The following RBM27 variants were observed in gnomAD, a reference collection of about 807,000 sequenced individuals.
RBM27 encodes the protein RNA binding motif protein 27, also known as RNA-binding protein 27.
In RBM27, 22 loss-of-function variants were observed where a neutral mutation model predicts 135.3. That is an observed-to-expected ratio of 0.16 (90% CI 0.12 to 0.23). The LOEUF (loss-of-function observed/expected upper bound fraction) is 0.23. RBM27 is among the 10% of genes least tolerant of loss of function. RBM27 has a pLI of 1.00. For missense variants in RBM27, 1,009 were observed against 1,281.0 expected (o/e 0.79, Z 3.24); for synonymous variants, 481 against 442.4 (o/e 1.09, Z -1.10).
chr5:146,205,924 CA>C, intron 1 of RBM27, among the ~76,000 whole-genome samples: 1 of 152,038 alleles, frequency 6.6e-6, no homozygotes, highest in Admixed American at 6.6e-5. Context: ...GAGGCTGAGG[CA>C]GAAGAATCGC....
intron 19 of RBM27, among the ~76,000 whole-genome samples, chr5:146,281,142 C>T (rs59021359): frequency 0.033 from 5,052 of 152,142 alleles, 248 homozygotes; most frequent in African/African-American, 0.11. Flanking sequence ...TGCGCCCAGC[C>T]TTTGCAGTCT....
At position 146,271,661 on chromosome 5, in the gene RBM27, T is replaced by G; in HGVS notation, c.2975T>G (p.Leu992Arg). 1 of 1,612,280 alleles carries G rather than the reference T, an allele frequency of 6.2e-7. No homozygotes were observed. Among genetic ancestry groups the G allele is most frequent in the South Asian group, 1.1e-5 (1 of 90,970 alleles). The change falls in exon 19 of 21, where the codon CTT becomes CGT. Residue 992 changes from leucine to arginine, a missense_variant. Leu to Arg is a moderately radical substitution (Grantham distance 102). Coordinates refer to ENST00000265271, the MANE Select transcript of RBM27 (RefSeq NM_018989.2). Reference sequence around the variant, plus strand: ...ATTGAGGAAGAAAAAGAAGACTTGCTTCAGCATTTCTCAGTAAGTTTTTAA... The same window carrying G: ...ATTGAGGAAGAAAAAGAAGACTTGCGTCAGCATTTCTCAGTAAGTTTTTAA... ...GFIEEEKEDL[L>R]QHFSTANQGP... is the part of the protein sequence containing the mutation.
At chr5:146,276,427 T>A in intron 19 of RBM27, among the ~76,000 whole-genome samples, 1 of 152,162 alleles carries the variant, frequency 6.6e-6, no homozygotes, top group Non-Finnish European at 1.5e-5. Flanking sequence ...ATAATTTTTA[T>A]GTTCTTACTG....
Position 146,251,592 on chromosome 5 carries a change from T to G in RBM27, c.1280-119T>G, listed in dbSNP as rs75623351. 896 of 939,276 alleles carry G rather than the reference T, an allele frequency of 9.5e-4. 2 individuals are homozygous for G. In the African/African-American group the frequency reaches 0.013, roughly 14 times the overall value. 58.2% of individuals were successfully genotyped at this position (939,276 alleles called of 1,614,324 possible). A position where few individuals can be genotyped will look rare whatever the true frequency, so the allele number is the denominator to read the frequency against. ...GAATCCCAGGAACATCTTTCTGTACTTCTATTCCTGTTGGTTTAATTTCTC... is the reference window on the plus strand; with the variant it reads ...GAATCCCAGGAACATCTTTCTGTACGTCTATTCCTGTTGGTTTAATTTCTC... On this transcript the variant is annotated intron_variant, in intron 8 of 20. Transcript: ENST00000265271.
chr5:146,210,946 C>CA (rs201750144), intron 1 of RBM27, among the ~76,000 whole-genome samples: 1,099 of 108,468 alleles, frequency 0.01, 2 homozygotes, highest in Non-Finnish European at 0.015. Flanking sequence ...GACTCCGTCT[C>CA]AAAAAAAAAA....
At chr5:146,245,696 C>T (rs1220730677) in intron 8 of RBM27, among the ~76,000 whole-genome samples, 4 of 151,944 alleles carry the variant, frequency 2.6e-5, no homozygotes, top group Non-Finnish European at 4.4e-5. Context: ...GAGCAGGGGT[C>T]CCCAAACCCC....
chr5:146,229,733 A>G lies in RBM27; in HGVS notation c.412A>G (p.Arg138Gly). The stretch of plus-strand genomic sequence containing the variant: ...ATATTATAGGACACGTGAGAAAAAA[A>G]GAGAAGACGGGAAATGGAGAGACTA... ...SSERRTREKK[R>G]EDGKWRDYDR... Residue 138 changes from arginine (R) to glycine (G), a missense_variant, in exon 5 of 21, where the codon AGA becomes GGA. By Grantham distance (125) the Arg-to-Gly change is moderately radical. Around this residue, in one of 6 missense-constraint regions of RBM27, gnomAD observed 268 missense variants for 326.6 expected, o/e 0.82. Transcript: ENST00000265271. The G allele has an allele frequency of 1.2e-6, 2 of 1,609,422 alleles. No homozygotes were observed. The highest frequency in any genetic ancestry group is 1.7e-6 in the Non-Finnish European group (2 of 1,176,714).
intron 13 of RBM27, 85 bp from the exon 14 acceptor site, chr5:146,263,406 C>T: frequency 3.7e-6 from 5 of 1,358,806 alleles, no homozygotes; most frequent in Non-Finnish European, 4.1e-6. Flanking sequence ...TTATCTTCTT[C>T]CCTAGAGTAA....
At chr5:146,245,317 A>T (rs2126800553) in intron 8 of RBM27, 1 of 152,294 alleles carries the variant, frequency 6.6e-6, no homozygotes. Context: ...ACCATTATTA[A>T]GTAAAGTACA....
intron 11 of RBM27, among the ~76,000 whole-genome samples, chr5:146,260,071 G>A (rs911671022): frequency 4.0e-5 from 6 of 151,414 alleles, no homozygotes; most frequent in African/African-American, 9.7e-5. Context: ...AGGCCGAGAC[G>A]GGTAGATCAC....
At chr5:146,272,949 TG>T (rs968328930) in intron 19 of RBM27, among the ~76,000 whole-genome samples, 7 of 152,130 alleles carry the variant, frequency 4.6e-5, no homozygotes, top group African/African-American at 1.7e-4. Context: ...TTTTGTAAAG[TG>T]GGAGAATAGC....
intron 7 of RBM27, among the ~76,000 whole-genome samples, chr5:146,235,686 T>C (rs1046972899): frequency 6.6e-6 from 1 of 152,172 alleles, no homozygotes; most frequent in African/African-American, 2.4e-5. Context: ...TTTTTTCTTT[T>C]ATTTTCTTTT....
intron 8 of RBM27, among the ~76,000 whole-genome samples, chr5:146,248,093 A>G (rs1336044422): frequency 6.6e-6 from 1 of 151,608 alleles, no homozygotes; most frequent in Non-Finnish European, 1.5e-5. Flanking sequence ...TTCCAAAGGG[A>G]ACTCCTGTTT....
chr5:146,280,589 T>A (rs1376925720), intron 19 of RBM27, among the ~76,000 whole-genome samples: 1 of 152,186 alleles, frequency 6.6e-6, no homozygotes, highest in African/African-American at 2.4e-5. Context: ...TAGCCTCACT[T>A]TATGATAGTC....
intron 8 of RBM27, among the ~76,000 whole-genome samples, chr5:146,249,793 T>TC (rs1757804589): frequency 6.6e-6 from 1 of 152,138 alleles, no homozygotes; most frequent in Non-Finnish European, 1.5e-5. Flanking sequence ...TACTTTTTTT[T>TC]CCCCATCAAC....
In RBM27 at chr5:146,233,705, A is replaced by G; in HGVS notation, c.1106A>G (p.His369Arg). ...HSMRLPVPQG[H>R]GQPPPSVVLP... ...ATGAGACTTCCTGTTCCCCAAGGAC[A>G]TGGTCAGCCTCCACCATCCGTTGTG... Residue 369 changes from histidine to arginine, a missense_variant, in exon 7 of 21, where the codon CAT becomes CGT. His to Arg is a conservative substitution (Grantham distance 29). Coordinates refer to ENST00000265271, the MANE Select transcript of RBM27 (RefSeq NM_018989.2). 2 of 1,488,094 alleles carry G rather than the reference A, an allele frequency of 1.3e-6. No individual in the cohort carries two copies. Among genetic ancestry groups the G allele is most frequent in the Non-Finnish European group, 1.8e-6 (2 of 1,121,038 alleles). 92.2% of individuals were successfully genotyped at this position (1,488,094 alleles called of 1,614,324 possible).
chr5:146,274,625 G>A (rs533952877), intron 19 of RBM27, among the ~76,000 whole-genome samples: 10 of 152,264 alleles, frequency 6.6e-5, no homozygotes, highest in Admixed American at 3.9e-4. Flanking sequence ...TTGGGATGAA[G>A]CATCAGTGTT....
chr5:146,230,594 T>C (rs1756884838), intron 5 of RBM27, 63 bp from the exon 6 acceptor site: 6 of 1,502,906 alleles, frequency 4.0e-6, no homozygotes, highest in Middle Eastern at 1.8e-4. Flanking sequence ...AAAATAAATA[T>C]AGTTTAAGAA....
chr5:146,228,582 G>A (rs758508389), intron 3 of RBM27, among the ~76,000 whole-genome samples: 4 of 151,252 alleles, frequency 2.6e-5, no homozygotes, highest in East Asian at 3.9e-4. Flanking sequence ...GCGCCCGGCC[G>A]AGAGGGACCA....
Sources: gnomAD v4.1 joint callset for allele counts (sites outside exome capture counted in the v4.1 genomes callset) on GRCh38, gnomAD v4.1.1 for gene constraint, gnomAD v4.1.1 regional missense constraint, MANE v1.5 for transcripts, NCBI Gene and HGNC (gene_info 2026-07-23, HGNC 2026-07-21) for gene names.